LY96: variants seen among roughly 807,000 people sequenced by gnomAD.
LY96 encodes the protein lymphocyte antigen 96, also known as myeloid differentiation protein-2.
A neutral mutation model predicts 18.9 loss-of-function variants in LY96; 18 were observed. The ratio of observed to expected loss-of-function variants is 0.95; its 90% CI spans 0.66 to 1.41. LY96 has a LOEUF of 1.41. LY96 is among the 40% of genes most tolerant of loss of function. LY96 has a pLI of 0.00. For missense variants in LY96, 175 were observed against 182.4 expected (o/e 0.96, Z 0.23); for synonymous variants, 66 against 62.6 (o/e 1.06, Z -0.26).
At chr8:74,024,129 A>C (rs1816822419) in intron 3 of LY96, among the ~76,000 whole-genome samples, 1 of 152,198 alleles carries the variant, frequency 6.6e-6, no homozygotes, top group Non-Finnish European at 1.5e-5. Context: ...TTGATCCTGA[A>C]GCTGGGTACT....
At chr8:74,045,970 G>C in the LY96 span, among the ~76,000 whole-genome samples, 5 of 152,246 alleles carry the variant, frequency 3.3e-5, no homozygotes, top group Admixed American at 2.6e-4. Flanking sequence ...AGCATCTGGA[G>C]GGATGAATGG....
the LY96 span, among the ~76,000 whole-genome samples, chr8:74,081,048 T>TCTC: frequency 3.3e-4 from 32 of 97,058 alleles, no homozygotes; most frequent in African/African-American, 4.6e-4. Flanking sequence ...CTTTCTTTCT[T>TCTC]TTTCTTTCTT....
At chr8:74,085,691 A>G in the LY96 span, among the ~76,000 whole-genome samples, 1 of 152,118 alleles carries the variant, frequency 6.6e-6, no homozygotes, top group Non-Finnish European at 1.5e-5. Context: ...AGAGATTTGC[A>G]TCTACTGTTC....
the LY96 span, chr8:74,056,508 A>G: frequency 1.3e-5 from 2 of 158,844 alleles, no homozygotes; most frequent in African/African-American, 4.8e-5. Flanking sequence ...TAAACATGCT[A>G]AAAAAGCCCA....
At chr8:74,051,977 T>C in the LY96 span, among the ~76,000 whole-genome samples, 4 of 151,616 alleles carry the variant, frequency 2.6e-5, no homozygotes, top group Non-Finnish European at 5.9e-5. Flanking sequence ...AATTTATTCC[T>C]ATACATGTTT....
the LY96 span, among the ~76,000 whole-genome samples, chr8:74,054,624 CTTTCTTTCT>C: frequency 1.3e-4 from 12 of 89,178 alleles, no homozygotes; most frequent in African/African-American, 5.0e-4. Flanking sequence ...TTCCTTCTTT[CTTTCTTTCT>C]TTCTTTCTTT....
chr8:74,081,035 TTTCTTTC>T, the LY96 span, among the ~76,000 whole-genome samples: 1 of 122,446 alleles, frequency 8.2e-6, no homozygotes, highest in Non-Finnish European at 1.6e-5. Context: ...TCTTTCTTTC[TTTCTTTC>T]TTTCTTTTTC....
chr8:74,087,457 C>T, the LY96 span, among the ~76,000 whole-genome samples: 1 of 152,130 alleles, frequency 6.6e-6, no homozygotes, highest in African/African-American at 2.4e-5. Context: ...CTCAGAAAAG[C>T]CACCAAAACA....
At chr8:74,006,605 A>G (rs748238651) in intron 2 of LY96, among the ~76,000 whole-genome samples, 16 of 152,254 alleles carry the variant, frequency 1.1e-4, no homozygotes, top group Non-Finnish European at 2.2e-4. Flanking sequence ...TAGTGACAGC[A>G]CAGAGCAAAG....
chr8:74,064,585 A>C, the LY96 span, among the ~76,000 whole-genome samples: 1 of 152,188 alleles, frequency 6.6e-6, no homozygotes, highest in Non-Finnish European at 1.5e-5. Context: ...GCCATGTCAC[A>C]TGTGAGCTCC....
At chr8:74,039,035 C>A in the LY96 span, among the ~76,000 whole-genome samples, 1 of 152,182 alleles carries the variant, frequency 6.6e-6, no homozygotes. Flanking sequence ...TCCTTGCCAG[C>A]ATTTGTTATT....
the LY96 span, among the ~76,000 whole-genome samples, chr8:74,068,081 A>ATATATATATATATATATATATAT: frequency 2.1e-4 from 20 of 95,362 alleles, no homozygotes; most frequent in East Asian, 4.5e-4. Context: ...AAAAAAAAAA[A>ATATATATATATATATATATATAT]AAAAAAAAAT....
At chr8:74,009,930 C>A (rs923438552) in intron 2 of LY96, 71 bp from the exon 3 acceptor site, 50 of 1,128,740 alleles carry the variant, frequency 4.4e-5, no homozygotes, top group Non-Finnish European at 6.4e-5. Context: ...TTTAACTATA[C>A]AATAAATGTT....
intron 3 of LY96, among the ~76,000 whole-genome samples, chr8:74,019,721 C>G (rs1816720894): frequency 6.6e-6 from 1 of 152,142 alleles, no homozygotes; most frequent in African/African-American, 2.4e-5. Flanking sequence ...GCTTATGCGC[C>G]AAGATCAAGT....
At chr8:74,062,364 A>G in the LY96 span, among the ~76,000 whole-genome samples, 2 of 152,102 alleles carry the variant, frequency 1.3e-5, no homozygotes, top group South Asian at 2.1e-4. Context: ...CCCAGCATGC[A>G]TTAGCTATTT....
chr8:74,032,212 G>A (rs965822376), downstream of LY96, among the ~76,000 whole-genome samples: 5 of 152,174 alleles, frequency 3.3e-5, no homozygotes, highest in Non-Finnish European at 7.4e-5. Flanking sequence ...TAAATGAATT[G>A]TTCCATTTTG....
the LY96 span, among the ~76,000 whole-genome samples, chr8:74,054,204 T>C: frequency 6.6e-6 from 1 of 152,046 alleles, no homozygotes; most frequent in African/African-American, 2.4e-5. Context: ...TTACAAGATT[T>C]TTTGTAGAAA....
At chr8:74,065,437 T>C in the LY96 span, among the ~76,000 whole-genome samples, 2 of 152,222 alleles carry the variant, frequency 1.3e-5, no homozygotes, top group Non-Finnish European at 2.9e-5. Context: ...GAATTTTGGT[T>C]GTATTATTCT....
At chr8:74,031,616 C>T (rs1816970892), downstream of LY96, among the ~76,000 whole-genome samples, 1 of 142,520 alleles carries the variant, frequency 7.0e-6, no homozygotes, top group South Asian at 2.2e-4. Flanking sequence ...GCCTGGGCGA[C>T]AGAGTGAGAC....
Sources: allele counts gnomAD v4.1 joint callset (sites outside exome capture counted in the v4.1 genomes callset), GRCh38; gene constraint gnomAD v4.1.1; transcripts MANE v1.5; gene names NCBI Gene and HGNC (gene_info 2026-07-23, HGNC 2026-07-21).